Variants in FAM53B observed in about 807,000 individuals in gnomAD.
The protein encoded by FAM53B is protein FAM53B.
Under a neutral mutation model 32.7 loss-of-function variants are expected in FAM53B, and 12 were observed. The observed-to-expected ratio is 0.37, with a 90% CI of 0.24 to 0.59. The LOEUF (loss-of-function observed/expected upper bound fraction) is 0.59. FAM53B is among the 20% of genes least tolerant of loss of function. The probability of loss-of-function intolerance (pLI) is 0.72; values close to 1 mark genes in which losing one functional copy is unlikely to be tolerated. For synonymous variants in FAM53B, 234 were observed against 228.7 expected, an observed-to-expected ratio of 1.02 and a Z score of -0.21; for missense variants, 477 against 577.7, an observed-to-expected ratio of 0.83 and a Z score of 1.79.
At chr10:124,738,370 T>C (rs1365391713) in intron 1 of FAM53B, among the ~76,000 whole-genome samples, 2 of 152,000 alleles carry the variant, frequency 1.3e-5, no homozygotes, top group Non-Finnish European at 2.9e-5. Flanking sequence ...ATTTTTTTTT[T>C]TTTCCAACCT....
intron 4 of FAM53B, chr10:124,623,988 G>C (rs1949329470): frequency 5.1e-6 from 1 of 195,234 alleles, no homozygotes; most frequent in Non-Finnish European, 1.0e-5. Context: ...TCACTACTTG[G>C]ATTTTTATCT....
chr10:124,653,725 G>A (rs895988634), intron 4 of FAM53B, among the ~76,000 whole-genome samples: 19 of 152,220 alleles, frequency 1.2e-4, no homozygotes, highest in African/African-American at 4.6e-4. Flanking sequence ...CCCACGCAGA[G>A]CCTATCTCAG....
intron 3 of FAM53B, among the ~76,000 whole-genome samples, chr10:124,693,926 T>C (rs1453188496): frequency 6.6e-6 from 1 of 152,186 alleles, no homozygotes; most frequent in Non-Finnish European, 1.5e-5. Context: ...GCTCAAGTCA[T>C]ATCTATGACA....
intron 4 of FAM53B, among the ~76,000 whole-genome samples, chr10:124,648,347 G>A: frequency 6.6e-6 from 1 of 152,236 alleles, no homozygotes; most frequent in East Asian, 1.9e-4. Context: ...TGTGCCTGGT[G>A]CCCACGAGCC....
intron 4 of FAM53B, among the ~76,000 whole-genome samples, chr10:124,647,753 T>A (rs756356571): frequency 1.3e-5 from 2 of 152,100 alleles, no homozygotes; most frequent in South Asian, 2.1e-4. Flanking sequence ...ACTGAAGTGT[T>A]GAGGGCAGAC....
At chr10:124,674,479 G>C (rs955549516) in intron 4 of FAM53B, among the ~76,000 whole-genome samples, 1 of 152,212 alleles carries the variant, frequency 6.6e-6, no homozygotes, top group Non-Finnish European at 1.5e-5. Flanking sequence ...CCATGAAGAG[G>C]TTCCATCAGT....
intron 2 of FAM53B, among the ~76,000 whole-genome samples, chr10:124,702,695 T>C (rs1266846414): frequency 3.3e-5 from 5 of 152,154 alleles, no homozygotes; most frequent in Non-Finnish European, 7.4e-5. Context: ...GCAGGTGGCA[T>C]GAGGCTCAAG....
chr10:124,735,479 G>A (rs1950167859), intron 1 of FAM53B, among the ~76,000 whole-genome samples: 2 of 152,206 alleles, frequency 1.3e-5, no homozygotes, highest in Middle Eastern at 3.4e-3. Context: ...TTTTCCTCCC[G>A]AAAAAAACCC....
chr10:124,656,924 G>A (rs945675311), intron 4 of FAM53B, among the ~76,000 whole-genome samples: 2 of 151,780 alleles, frequency 1.3e-5, no homozygotes, highest in African/African-American at 4.8e-5. Flanking sequence ...AGCATTAGGA[G>A]ATATACCTAA....
intron 4 of FAM53B, among the ~76,000 whole-genome samples, chr10:124,663,954 G>C (rs1949649591): frequency 6.6e-6 from 1 of 151,998 alleles, no homozygotes; most frequent in Non-Finnish European, 1.5e-5. Flanking sequence ...CTCCCTGTTC[G>C]TCAGTGTACC....
At chr10:124,679,219 T>G (rs1949753912) in intron 4 of FAM53B, among the ~76,000 whole-genome samples, 1 of 151,790 alleles carries the variant, frequency 6.6e-6, no homozygotes, top group African/African-American at 2.4e-5. Context: ...AAGCCTTGCT[T>G]CCATGGGCAT....
chr10:124,669,665 C>T (rs924176864), intron 4 of FAM53B, among the ~76,000 whole-genome samples: 1 of 152,218 alleles, frequency 6.6e-6, no homozygotes, highest in African/African-American at 2.4e-5. Context: ...CCAGACTTCC[C>T]GGGGCCCTGT....
intron 1 of FAM53B, chr10:124,742,358 C>A (rs1362269498): frequency 6.6e-6 from 1 of 152,216 alleles, no homozygotes; most frequent in African/African-American, 2.4e-5. Context: ...GTAACTGACA[C>A]AAGTTACTCT....
chr10:124,673,533 G>A (rs1949719684), intron 4 of FAM53B, among the ~76,000 whole-genome samples: 1 of 152,188 alleles, frequency 6.6e-6, no homozygotes. Flanking sequence ...TCATTGGCAG[G>A]CGGGGACACC....
chr10:124,636,840 G>A (rs566928095), intron 4 of FAM53B, among the ~76,000 whole-genome samples: 1 of 151,826 alleles, frequency 6.6e-6, no homozygotes, highest in African/African-American at 2.4e-5. Flanking sequence ...TGTCTGTGAC[G>A]CCAGAGCCCC....
At chr10:124,687,720 C>A (rs1036615214) in intron 3 of FAM53B, among the ~76,000 whole-genome samples, 1 of 152,144 alleles carries the variant, frequency 6.6e-6, no homozygotes, top group East Asian at 1.9e-4. Context: ...TTCTAGACCC[C>A]GTCTCTGACT....
In FAM53B at chr10:124,728,366, G is replaced by A. The variant is rs555462286; in HGVS notation, c.-175+15647C>T. Among the ~76,000 whole-genome samples, 5 of 152,352 alleles carry A rather than the reference G, an allele frequency of 3.3e-5. No homozygotes were observed. In the South Asian group the frequency reaches 8.3e-4, roughly 25 times the overall value. On this transcript the variant is annotated intron_variant, in intron 1 of 4. Coordinates refer to ENST00000337318, the MANE Select transcript of FAM53B (RefSeq NM_014661.4). ...TGGCACCCATTCTATGGAGGAAACC[G>A]TGGCATTATCTGAAGTACAGCAGAG...
At chr10:124,693,498 C>T (rs1392603132) in intron 3 of FAM53B, among the ~76,000 whole-genome samples, 1 of 151,944 alleles carries the variant, frequency 6.6e-6, no homozygotes, top group African/African-American at 2.4e-5. Context: ...GCAGGCACAC[C>T]TCAGATGAAA....
intron 4 of FAM53B, among the ~76,000 whole-genome samples, chr10:124,649,065 T>G (rs1949539271): frequency 6.6e-6 from 1 of 152,244 alleles, no homozygotes; most frequent in African/African-American, 2.4e-5. Flanking sequence ...GTCTGGTCAC[T>G]GCCCCATCAT....
Sources: gnomAD v4.1 joint callset for allele counts (sites outside exome capture counted in the v4.1 genomes callset) on GRCh38, gnomAD v4.1.1 for gene constraint, MANE v1.5 for transcripts, NCBI Gene and HGNC (gene_info 2026-07-23, HGNC 2026-07-21) for gene names.